GCH1: variants seen among roughly 807,000 people sequenced by gnomAD.
The protein encoded by GCH1 is GTP cyclohydrolase 1.
Under a neutral mutation model 25.9 loss-of-function variants are expected in GCH1, and 5 were observed. The ratio of observed to expected loss-of-function variants is 0.19; its 90% confidence interval spans 0.10 to 0.41. The LOEUF (loss-of-function observed/expected upper bound fraction) is 0.41. Ranked by LOEUF, GCH1 falls within the 10% of genes least tolerant of loss-of-function variation. The pLI, the probability that GCH1 is intolerant of heterozygous loss-of-function variation, is 1.00. For missense variants in GCH1, 261 were observed against 336.5 expected (o/e 0.78, Z 1.75); for synonymous variants, 159 against 129.6 (o/e 1.23, Z -1.54).
In GCH1 at chr14:54,843,628, A is replaced by C; in HGVS notation, c.*389T>G. 1 of 1,486,360 alleles carries C rather than the reference A, an allele frequency of 6.7e-7. No individual in the cohort carries two copies. The highest frequency in any genetic ancestry group is 8.9e-7 in the Non-Finnish European group (1 of 1,122,068). 92.1% of individuals were successfully genotyped at this position (1,486,360 alleles called of 1,614,324 possible). ...ACTACACCACTTTTATTGGAGGAAG[A>C]AAAAAAACAGTATACTGGGCACAGT... is the stretch of plus-strand genomic sequence containing the variant. On this transcript the variant is annotated 3_prime_UTR_variant, in exon 6 of 6. Coordinates refer to ENST00000491895, the MANE Select transcript of GCH1 (RefSeq NM_000161.3).
chr14:54,850,828 A>G (rs576186183), intron 3 of GCH1, among the ~76,000 whole-genome samples: 1 of 152,328 alleles, frequency 6.6e-6, no homozygotes, highest in Non-Finnish European at 1.5e-5. Context: ...TTATGGCTGC[A>G]TAGTATTCCA....
At chr14:54,844,498 C>T (rs908577636) in intron 5 of GCH1, among the ~76,000 whole-genome samples, 1 of 152,224 alleles carries the variant, frequency 6.6e-6, no homozygotes, top group Non-Finnish European at 1.5e-5. Context: ...TACTTAACTT[C>T]TAGATCAAAA....
chr14:54,887,741 G>A (rs914703677), intron 1 of GCH1, among the ~76,000 whole-genome samples: 5 of 152,130 alleles, frequency 3.3e-5, no homozygotes, highest in Non-Finnish European at 7.3e-5. Context: ...CTAAATACAT[G>A]TCTCTGATTT....
chr14:54,846,296 T>C (rs941516793), intron 4 of GCH1, among the ~76,000 whole-genome samples: 1 of 152,214 alleles, frequency 6.6e-6, no homozygotes, highest in South Asian at 2.1e-4. Flanking sequence ...CTAAATAATA[T>C]AGTTCCTGTC....
intron 1 of GCH1, among the ~76,000 whole-genome samples, chr14:54,884,430 T>G (rs1317432874): frequency 6.6e-6 from 1 of 150,614 alleles, no homozygotes; most frequent in African/African-American, 2.4e-5. Flanking sequence ...GAAACAAAAT[T>G]CCCTTCTCTT....
chr14:54,843,094 T>G lies in GCH1; in HGVS notation c.*923A>C, dbSNP rs554432105. 9.9e-5 allele frequency: 143 copies of G among 1,446,820 alleles called. 3 individuals are homozygous for G. The highest frequency in any genetic ancestry group is 5.9e-4 in the South Asian group (50 of 84,936). The allele number at this position is 1,446,820 out of a possible 1,614,324, so 89.6% of individuals were successfully genotyped here. The stretch of plus-strand genomic sequence containing the variant: ...CACTCTCAAATGTTTCTGGAAATAC[T>G]TAGAAAAATATCTTATAAGATTAAA... On this transcript the variant is annotated 3_prime_UTR_variant, in exon 6 of 6. Transcript: ENST00000491895.
intron 1 of GCH1, among the ~76,000 whole-genome samples, chr14:54,871,747 G>A (rs2040082459): frequency 6.6e-6 from 1 of 152,214 alleles, no homozygotes; most frequent in African/African-American, 2.4e-5. Context: ...AAGGGTATCA[G>A]TGATGGAAGA....
At chr14:54,892,937 A>G (rs145610220) in intron 1 of GCH1, among the ~76,000 whole-genome samples, 1,449 of 141,920 alleles carry the variant, frequency 0.01, 28 homozygotes, top group African/African-American at 0.035. Flanking sequence ...AAATTAGCCG[A>G]GCATGGTGGT....
At chr14:54,899,164 T>C (rs1462987777) in intron 1 of GCH1, among the ~76,000 whole-genome samples, 3 of 152,130 alleles carry the variant, frequency 2.0e-5, no homozygotes, top group Admixed American at 6.6e-5. Context: ...TAATGGCTTA[T>C]AATAATCTTA....
chr14:54,901,918 G>A (rs1331476840), intron 1 of GCH1, among the ~76,000 whole-genome samples: 1 of 152,176 alleles, frequency 6.6e-6, no homozygotes, highest in Non-Finnish European at 1.5e-5. Flanking sequence ...CCAGGAAGCC[G>A]TCGCCGCAGC....
chr14:54,880,225 T>C (rs1422176708), intron 1 of GCH1, among the ~76,000 whole-genome samples: 2 of 150,380 alleles, frequency 1.3e-5, no homozygotes, highest in African/African-American at 4.9e-5. Flanking sequence ...AAGTGATAAC[T>C]AGGAAGTTTA....
chr14:54,872,106 G>A (rs1042013779), intron 1 of GCH1, among the ~76,000 whole-genome samples: 2 of 152,144 alleles, frequency 1.3e-5, no homozygotes, highest in Admixed American at 6.5e-5. Flanking sequence ...AGAAAGGTCA[G>A]GTTACCCACA....
intron 1 of GCH1, among the ~76,000 whole-genome samples, chr14:54,895,741 T>C (rs1476951524): frequency 6.6e-6 from 1 of 152,226 alleles, no homozygotes; most frequent in Non-Finnish European, 1.5e-5. Context: ...CGAGCTGGTC[T>C]GAGCTGGTCC....
chr14:54,842,587 A>G lies in GCH1; in HGVS notation c.*1430T>C, dbSNP rs2039574879. The G allele has an allele frequency of 6.3e-6, 1 of 159,544 alleles. No homozygotes were observed. The highest frequency in any genetic ancestry group is 1.4e-5 in the Non-Finnish European group (1 of 72,972). The allele number at this position is 159,544 out of a possible 1,614,324, so 9.9% of individuals were successfully genotyped here. A position where few individuals can be genotyped will look rare whatever the true frequency, so the allele number is the denominator to read the frequency against. On this transcript the variant is annotated 3_prime_UTR_variant, in exon 6 of 6. Coordinates refer to ENST00000491895, the MANE Select transcript of GCH1 (RefSeq NM_000161.3). The stretch of plus-strand genomic sequence containing the variant: ...AACAAAAAAACCCAATACCTCTGCC[A>G]TCTTGCCCCATCATAACCCAAATAG...
At chr14:54,899,808 C>T (rs574990492) in intron 1 of GCH1, among the ~76,000 whole-genome samples, 1 of 152,246 alleles carries the variant, frequency 6.6e-6, no homozygotes, top group African/African-American at 2.4e-5. Flanking sequence ...CACTACCCAT[C>T]CCCCTCTTCT....
intron 1 of GCH1, among the ~76,000 whole-genome samples, chr14:54,887,943 C>T (rs1046555406): frequency 2.6e-5 from 4 of 152,042 alleles, no homozygotes; most frequent in Admixed American, 2.6e-4. Context: ...TACTATTCTA[C>T]CCAACCACTC....
intron 3 of GCH1, among the ~76,000 whole-genome samples, chr14:54,855,508 A>C (rs2039796745): frequency 7.9e-6 from 1 of 126,648 alleles, no homozygotes; most frequent in Non-Finnish European, 1.9e-5. Context: ...CCTGTCTCAA[A>C]AAAAAAAAAA....
At chr14:54,857,611 C>T (rs1249686823) in intron 3 of GCH1, among the ~76,000 whole-genome samples, 1 of 152,208 alleles carries the variant, frequency 6.6e-6, no homozygotes, top group East Asian at 1.9e-4. Context: ...ACTGGGCCTA[C>T]AGCTATGTTT....
chr14:54,876,925 G>T (rs957963160), intron 1 of GCH1, among the ~76,000 whole-genome samples: 2 of 151,908 alleles, frequency 1.3e-5, no homozygotes, highest in Non-Finnish European at 2.9e-5. Flanking sequence ...TTTTGACCTT[G>T]GAATCATGTA....
Sources: allele counts gnomAD v4.1 joint callset (sites outside exome capture counted in the v4.1 genomes callset), GRCh38; gene constraint gnomAD v4.1.1; transcripts MANE v1.5; gene names NCBI Gene and HGNC (gene_info 2026-07-23, HGNC 2026-07-21).